OPCML: variants seen among roughly 807,000 people sequenced by gnomAD.
OPCML encodes the protein opioid binding protein/cell adhesion molecule like.
Under a neutral mutation model 37.8 loss-of-function variants are expected in OPCML, and 13 were observed. The ratio of observed to expected loss-of-function variants is 0.34; its 90% CI spans 0.22 to 0.55. The LOEUF (loss-of-function observed/expected upper bound fraction) is 0.55. Ranked by LOEUF, OPCML falls within the 20% of genes least tolerant of loss-of-function variation. OPCML has a pLI of 0.91. For synonymous variants in OPCML, 176 were observed against 168.8 expected (o/e 1.04, Z -0.33); for missense variants, 341 against 435.6 (o/e 0.78, Z 1.93).
intron 1 of OPCML, among the ~76,000 whole-genome samples, chr11:132,984,716 A>G (rs1946653797): frequency 6.6e-6 from 1 of 152,176 alleles, no homozygotes; most frequent in African/African-American, 2.4e-5. Context: ...ATTGGACCCC[A>G]GACAGTGAAC....
chr11:132,926,432 T>C (rs1260287420), intron 2 of OPCML, among the ~76,000 whole-genome samples: 2 of 152,090 alleles, frequency 1.3e-5, no homozygotes, highest in Admixed American at 6.6e-5. Context: ...GAGAAGAAAC[T>C]GTAGTGAGAC....
At chr11:132,687,967 A>T (rs1943237231) in intron 2 of OPCML, among the ~76,000 whole-genome samples, 1 of 152,142 alleles carries the variant, frequency 6.6e-6, no homozygotes. Flanking sequence ...AGACTTAAAA[A>T]ATCTAGGGAT....
intron 3 of OPCML, among the ~76,000 whole-genome samples, chr11:132,625,039 C>A (rs564983598): frequency 6.6e-6 from 1 of 152,090 alleles, no homozygotes; most frequent in South Asian, 2.1e-4. Flanking sequence ...CTCTCTTGTT[C>A]CCCCCAAAAT....
At chr11:133,242,375 G>A (rs1244943085) in intron 1 of OPCML, among the ~76,000 whole-genome samples, 1 of 152,064 alleles carries the variant, frequency 6.6e-6, no homozygotes, top group Non-Finnish European at 1.5e-5. Flanking sequence ...AATCTGCTCG[G>A]GCTGCTGAAA....
intron 1 of OPCML, among the ~76,000 whole-genome samples, chr11:132,980,839 G>A (rs1946565025): frequency 6.6e-6 from 1 of 152,196 alleles, no homozygotes; most frequent in South Asian, 2.1e-4. Context: ...TGTGAATTTC[G>A]AGGTGTACGG....
chr11:133,007,924 T>C (rs1451604875), intron 1 of OPCML: 9 of 985,358 alleles, frequency 9.1e-6, no homozygotes, highest in Non-Finnish European at 1.1e-5. Flanking sequence ...TGAGGTCCAT[T>C]GTGCATTTAT....
In OPCML at chr11:132,801,894, C is replaced by T. The variant is rs570074730; in HGVS notation, c.146+141032G>A. Among the ~76,000 whole-genome samples, 7 of 152,260 alleles carry T rather than the reference C, an allele frequency of 4.6e-5. No homozygotes were observed. The South Asian group carries it at 6.2e-4, about 14-fold the overall frequency. ...TACATTTTGAATTAAATCAAATTTT[C>T]GACTTTGAACATTCCTCTTTAGATG... On this transcript the variant is annotated intron_variant, in intron 2 of 7. Transcript: ENST00000524381.
intron 1 of OPCML, among the ~76,000 whole-genome samples, chr11:133,240,456 T>G (rs1940687347): frequency 6.6e-6 from 1 of 152,086 alleles, no homozygotes; most frequent in African/African-American, 2.4e-5. Flanking sequence ...CGTGTTAGAG[T>G]GTGATGTCTT....
chr11:133,286,351 T>C (rs1196644450), intron 1 of OPCML, among the ~76,000 whole-genome samples: 1 of 151,326 alleles, frequency 6.6e-6, no homozygotes, highest in African/African-American at 2.4e-5. Flanking sequence ...GCGCCTATAG[T>C]CCCAGCTACT....
chr11:132,683,331 C>A (rs373089008), intron 2 of OPCML, among the ~76,000 whole-genome samples: 1 of 152,024 alleles, frequency 6.6e-6, no homozygotes, highest in African/African-American at 2.4e-5. Flanking sequence ...GCCATGGTTG[C>A]GCCACTGCAC....
Position 133,206,562 on chromosome 11 carries a change from C to G in OPCML, c.62-263552G>C, listed in dbSNP as rs1309313646. On this transcript the variant is annotated intron_variant, in intron 1 of 7. Coordinates refer to ENST00000524381, the MANE Select transcript of OPCML (RefSeq NM_001012393.5). The surrounding 1 kb of genome is among the most constrained non-coding windows in gnomAD (Gnocchi z 4.7). ...CAGAAACATTTGCATATCTAAGCCA[C>G]TAATAAATGAAGGGTAGTAGATTTG... Among the ~76,000 whole-genome samples the G allele has an allele frequency of 6.6e-6, 1 of 152,148 alleles. No homozygotes were observed. The highest frequency in any genetic ancestry group is 1.5e-5 in the Non-Finnish European group (1 of 68,036).
intron 1 of OPCML, among the ~76,000 whole-genome samples, chr11:133,170,458 C>T (rs1342109993): frequency 6.6e-6 from 1 of 151,712 alleles, no homozygotes. Context: ...TGCACTCCAG[C>T]CTGGGCGACA....
chr11:133,169,914 C>G (rs1565483927), intron 1 of OPCML, among the ~76,000 whole-genome samples: 1 of 151,968 alleles, frequency 6.6e-6, no homozygotes, highest in Non-Finnish European at 1.5e-5. Context: ...AAAATTAAAG[C>G]TAAATAAAAT....
chr11:132,836,279 T>G (rs1335004037), intron 2 of OPCML, among the ~76,000 whole-genome samples: 3 of 152,128 alleles, frequency 2.0e-5, no homozygotes, highest in Non-Finnish European at 4.4e-5. Flanking sequence ...CAGAATCTCA[T>G]CAGTGTTAGA....
chr11:133,199,066 A>T (rs1938654111), intron 1 of OPCML, among the ~76,000 whole-genome samples: 1 of 152,162 alleles, frequency 6.6e-6, no homozygotes. Flanking sequence ...TAATGCATAT[A>T]AAAAAAGGAG....
chr11:132,706,880 T>C (rs1318405839), intron 2 of OPCML, among the ~76,000 whole-genome samples: 10 of 152,246 alleles, frequency 6.6e-5, no homozygotes, highest in Non-Finnish European at 8.8e-5. Flanking sequence ...GTTTCTGATT[T>C]ATTCCTTCTT....
intron 4 of OPCML, among the ~76,000 whole-genome samples, chr11:132,479,237 C>T (rs1040585396): frequency 1.3e-5 from 2 of 152,154 alleles, no homozygotes; most frequent in South Asian, 4.2e-4. Flanking sequence ...AGGGAGTTCC[C>T]TTTCCTAGTC....
At chr11:133,489,104 G>C (rs889681635) in intron 1 of OPCML, among the ~76,000 whole-genome samples, 1 of 151,956 alleles carries the variant, frequency 6.6e-6, no homozygotes, top group African/African-American at 2.4e-5. Context: ...CTAAAGGTAA[G>C]ACCTGGAACT....
chr11:132,546,033 T>G (rs1168788916), intron 3 of OPCML, among the ~76,000 whole-genome samples: 2 of 152,242 alleles, frequency 1.3e-5, no homozygotes, highest in Non-Finnish European at 2.9e-5. Context: ...ACCTGTGAGA[T>G]AACCTGTTTC....
Sources: allele counts gnomAD v4.1 joint callset (sites outside exome capture counted in the v4.1 genomes callset), GRCh38; gene constraint gnomAD v4.1.1; non-coding constraint Gnocchi (gnomAD v3.1); transcripts MANE v1.5; gene names NCBI Gene and HGNC (gene_info 2026-07-23, HGNC 2026-07-21).